SPAG16: variants seen among roughly 807,000 people sequenced by gnomAD.
SPAG16 encodes sperm associated antigen 16, also known as sperm-associated antigen 16 protein.
SPAG16 carries 86 observed loss-of-function variants against 80.4 expected under a neutral mutation model. That is an observed-to-expected ratio of 1.07 (90% CI 0.90 to 1.28). The LOEUF is 1.28. Among genes scored for constraint, SPAG16 ranks in the 50% most tolerant of loss-of-function variants. The pLI is 0.00. For missense variants in SPAG16, 870 were observed against 765.3 expected (o/e 1.14, Z -1.61); for synonymous variants, 294 against 265.9 (o/e 1.11, Z -1.03).
chr2:213,425,676 G>A (rs554393237), intron 9 of SPAG16, among the ~76,000 whole-genome samples: 1 of 148,908 alleles, frequency 6.7e-6, no homozygotes, highest in Non-Finnish European at 1.5e-5. Context: ...AAAAAGGTGT[G>A]CAAATTGTTG....
Position 213,297,301 on chromosome 2 carries a change from G to T in SPAG16, c.223G>T (p.Asp75Tyr). 3 of 1,612,912 alleles carry T rather than the reference G, an allele frequency of 1.9e-6. No homozygotes were observed. The highest frequency in any genetic ancestry group is 2.5e-6 in the Non-Finnish European group (3 of 1,179,278). ...DNFSIPEGEE[D>Y]LAKAIQMAQE... ...TTTTAGCATCCCAGAAGGTGAAGAA[G>T]ATCTGGCAAAAGCAATTCAGATGGC... Residue 75 changes from aspartate to tyrosine, a missense_variant, in exon 3 of 16, where the codon GAT (aspartate) becomes TAT (tyrosine). Coordinates refer to ENST00000331683, the MANE Select transcript of SPAG16 (RefSeq NM_024532.5).
At chr2:213,532,540 C>CTTG (rs2076105997) in intron 10 of SPAG16, among the ~76,000 whole-genome samples, 2 of 151,390 alleles carry the variant, frequency 1.3e-5, no homozygotes, top group Admixed American at 1.3e-4. Context: ...CGGCTCACCA[C>CTTG]AACCTCCACC....
chr2:214,105,033 C>G (rs998002578), intron 13 of SPAG16, among the ~76,000 whole-genome samples: 1 of 152,074 alleles, frequency 6.6e-6, no homozygotes, highest in African/African-American at 2.4e-5. Context: ...GCAGAAGTGG[C>G]AATTTATCCA....
intron 10 of SPAG16, among the ~76,000 whole-genome samples, chr2:213,744,357 T>C (rs1192492277): frequency 1.3e-5 from 2 of 152,126 alleles, no homozygotes; most frequent in Admixed American, 1.3e-4. Flanking sequence ...TATTTCTCTC[T>C]TACCACCCCA....
intron 10 of SPAG16, among the ~76,000 whole-genome samples, chr2:213,818,930 G>A (rs529321443): frequency 6.6e-6 from 1 of 152,280 alleles, no homozygotes; most frequent in Non-Finnish European, 1.5e-5. Flanking sequence ...ATGTGAAATT[G>A]TGAGTCAATT....
chr2:214,077,923 C>T (rs912207904), intron 13 of SPAG16, among the ~76,000 whole-genome samples: 4 of 152,206 alleles, frequency 2.6e-5, no homozygotes, highest in Non-Finnish European at 5.9e-5. Flanking sequence ...GCCTTATTCC[C>T]TGTCTGTCCC....
In SPAG16 at chr2:213,796,624, C is replaced by T. The variant is rs558437873; in HGVS notation, c.1071-65861C>T. 7.2e-5 allele frequency among the ~76,000 whole-genome samples: 11 copies of T among 152,204 alleles called. No homozygotes were observed. In the South Asian group the frequency reaches 2.3e-3, roughly 32 times the overall value. On this transcript the variant is annotated intron_variant, in intron 10 of 15. Transcript: ENST00000331683. The stretch of plus-strand genomic sequence containing the variant: ...TTTCCATTGCTTAGTGATGTCATAG[C>T]TGTCCTTAAGTTGTAGCACAATGCA...
intron 11 of SPAG16, among the ~76,000 whole-genome samples, chr2:213,892,210 T>A (rs924974166): frequency 6.6e-6 from 1 of 151,910 alleles, no homozygotes; most frequent in Non-Finnish European, 1.5e-5. Context: ...CCTTCTCCAC[T>A]TGGGAAAGGC....
intron 10 of SPAG16, among the ~76,000 whole-genome samples, chr2:213,754,360 A>C (rs891058953): frequency 2.0e-5 from 3 of 152,188 alleles, no homozygotes; most frequent in Non-Finnish European, 4.4e-5. Context: ...GAAAGCATTT[A>C]TATTTGCAGT....
At chr2:213,349,739 A>G (rs910140632) in intron 6 of SPAG16, among the ~76,000 whole-genome samples, 4 of 152,212 alleles carry the variant, frequency 2.6e-5, no homozygotes, top group Non-Finnish European at 4.4e-5. Context: ...AAGTATTGCT[A>G]TGTAAAGTAA....
At chr2:214,277,761 G>T (rs561796327) in intron 15 of SPAG16, among the ~76,000 whole-genome samples, 73 of 152,340 alleles carry the variant, frequency 4.8e-4, no homozygotes, top group Non-Finnish European at 9.4e-4. Context: ...CTACACAGGG[G>T]TCAGGGACCC....
chr2:213,599,152 A>G (rs1234144682), intron 10 of SPAG16, among the ~76,000 whole-genome samples: 2 of 152,212 alleles, frequency 1.3e-5, no homozygotes, highest in African/African-American at 2.4e-5. Context: ...AACTCAGTTT[A>G]CTTGTAATAA....
chr2:213,315,554 C>A (rs981158875), intron 4 of SPAG16, among the ~76,000 whole-genome samples: 60 of 152,114 alleles, frequency 3.9e-4, no homozygotes, highest in African/African-American at 1.4e-3. Flanking sequence ...GATTTCATAT[C>A]TTCTTCTAAG....
intron 15 of SPAG16, among the ~76,000 whole-genome samples, chr2:214,366,218 C>A (rs536030040): frequency 6.6e-6 from 1 of 152,274 alleles, no homozygotes; most frequent in East Asian, 1.9e-4. Context: ...CTTTGTGATC[C>A]TCCTGCCTCA....
intron 11 of SPAG16, among the ~76,000 whole-genome samples, chr2:213,866,681 G>T (rs925830550): frequency 1.3e-5 from 2 of 152,096 alleles, no homozygotes; most frequent in African/African-American, 4.8e-5. Context: ...ACAGGAAATA[G>T]TTCAAGAGGG....
intron 13 of SPAG16, among the ~76,000 whole-genome samples, chr2:214,021,737 G>A (rs1208890824): frequency 6.6e-6 from 1 of 152,108 alleles, no homozygotes; most frequent in African/African-American, 2.4e-5. Flanking sequence ...TATATACTGT[G>A]TTACACCTTG....
At chr2:213,429,199 T>A (rs536525091) in intron 9 of SPAG16, among the ~76,000 whole-genome samples, 1 of 152,194 alleles carries the variant, frequency 6.6e-6, no homozygotes, top group South Asian at 2.1e-4. Flanking sequence ...CAGCAATAAT[T>A]GCTCTGTCTC....
At chr2:214,127,605 A>C (rs2054554547) in intron 14 of SPAG16, among the ~76,000 whole-genome samples, 1 of 151,922 alleles carries the variant, frequency 6.6e-6, no homozygotes, top group Non-Finnish European at 1.5e-5. Context: ...AATATTTCCA[A>C]AATGTAAATT....
chr2:214,338,564 A>AT (rs1486208384), intron 15 of SPAG16, among the ~76,000 whole-genome samples: 3 of 152,150 alleles, frequency 2.0e-5, no homozygotes, highest in Non-Finnish European at 4.4e-5. Flanking sequence ...TGGTTGTGAA[A>AT]TTAGATTGCT....
Sources: allele counts gnomAD v4.1 joint callset (sites outside exome capture counted in the v4.1 genomes callset), GRCh38; gene constraint gnomAD v4.1.1; transcripts MANE v1.5; gene names NCBI Gene and HGNC (gene_info 2026-07-23, HGNC 2026-07-21).